The following DLG2 variants were observed in gnomAD, a reference collection of about 807,000 sequenced individuals.
DLG2 encodes the protein discs large MAGUK scaffold protein 2, also known as disks large homolog 2.
In DLG2, 45 loss-of-function variants were observed where a neutral mutation model predicts 132.5. The observed-to-expected ratio is 0.34, with a 90% CI of 0.27 to 0.44. DLG2 has a LOEUF of 0.44. Among genes scored for constraint, DLG2 ranks in the 20% least tolerant of loss-of-function variants. The probability of loss-of-function intolerance (pLI) is 1.00; values close to 1 mark genes in which losing one functional copy is unlikely to be tolerated. For synonymous variants in DLG2, 424 were observed against 419.6 expected, an observed-to-expected ratio of 1.01 and a Z score of -0.13; for missense variants, 1,045 against 1,196.9, an observed-to-expected ratio of 0.87 and a Z score of 1.87.
At chr11:85,316,308 G>C (rs78107180) in intron 3 of DLG2, among the ~76,000 whole-genome samples, 2 of 151,900 alleles carry the variant, frequency 1.3e-5, no homozygotes, top group African/African-American at 4.8e-5. Flanking sequence ...TCATAAACTA[G>C]AAAGACATAT....
rs1024117776 is a variant in DLG2 at position 83,969,922 on chromosome 11, AGT to A, written c.1057-4456_1057-4455del. Among the ~76,000 whole-genome samples, 3 of 145,642 alleles carry A rather than the reference AGT, an allele frequency of 2.1e-5. No homozygotes were observed. The Admixed American group carries it at 2.1e-4, about 10-fold the overall frequency. On this transcript the variant is annotated intron_variant, in intron 12 of 27. Transcript: ENST00000376104. Reference sequence around the variant, plus strand: ...TTCTATGGTTTAAAATGTATATGAAAGTGGGTGTTTCCTCTAAAAAAAAAAAA... The same window carrying A: ...TTCTATGGTTTAAAATGTATATGAAAGGGTGTTTCCTCTAAAAAAAAAAAA...
chr11:84,084,639 G>A (rs1467923873), intron 10 of DLG2, among the ~76,000 whole-genome samples: 1 of 152,148 alleles, frequency 6.6e-6, no homozygotes, highest in African/African-American at 2.4e-5. Flanking sequence ...CTTCTCAACT[G>A]GGCTTTGACC....
chr11:85,496,024 C>A (rs1219683929), intron 3 of DLG2, among the ~76,000 whole-genome samples: 1 of 152,138 alleles, frequency 6.6e-6, no homozygotes, highest in South Asian at 2.1e-4. Flanking sequence ...AGCTGAGGTA[C>A]CTGATTCATC....
intron 3 of DLG2, among the ~76,000 whole-genome samples, chr11:85,530,477 C>G (rs1018888971): frequency 1.3e-5 from 2 of 152,014 alleles, no homozygotes; most frequent in South Asian, 4.2e-4. Flanking sequence ...CATGCCACCA[C>G]GCCCAGCTAA....
chr11:83,462,051 G>A lies in DLG2; in HGVS notation c.2772C>T (p.Thr924=), dbSNP rs2090130233. 6.2e-7 allele frequency: 1 copy of A among 1,613,410 alleles called. No homozygotes were observed. Among genetic ancestry groups the A allele is most frequent in the Admixed American group, 1.7e-5 (1 of 59,990 alleles). ...KRLTEEQAKK[T]YDRAIKLEQE... is the part of the protein sequence containing the mutation. ...GTTCTAGCTTAATTGCTCGATCATA[G>A]GTTTTCTTGGCTTGTTCCTCTGTTA... The change falls in exon 27 of 28, where the codon ACC becomes ACT. Residue 924 remains threonine (T), a synonymous_variant. Coordinates refer to ENST00000376104, the MANE Select transcript of DLG2 (RefSeq NM_001142699.3).
At position 85,070,380 on chromosome 11, in the gene DLG2, A is replaced by G. The variant is rs745413575; in HGVS notation, c.357+41281T>C. On this transcript the variant is annotated intron_variant, in intron 6 of 27. Transcript: ENST00000376104. ...TATATTGACTGCAGCACTATTCACA[A>G]TACCACAGATATGGAATCAACCTAA... Among the ~76,000 whole-genome samples, 133 of 151,846 alleles carry G rather than the reference A, an allele frequency of 8.8e-4. 1 individual carries two copies. The Middle Eastern group carries it at 0.024, about 27-fold the overall frequency.
intron 21 of DLG2, among the ~76,000 whole-genome samples, chr11:83,520,917 G>A (rs1402518565): frequency 2.0e-5 from 3 of 152,160 alleles, no homozygotes; most frequent in Non-Finnish European, 2.9e-5. Context: ...TGGCATAGCT[G>A]GGATGGCAGT....
chr11:85,434,545 C>T (rs1194304846), intron 3 of DLG2, among the ~76,000 whole-genome samples: 1 of 152,126 alleles, frequency 6.6e-6, no homozygotes, highest in Non-Finnish European at 1.5e-5. Context: ...ACTATAAACA[C>T]CTCTATGCAA....
chr11:83,457,021 C>G lies in DLG2; in HGVS notation c.*2797G>C, dbSNP rs2089128798. On this transcript the variant is annotated 3_prime_UTR_variant, in exon 28 of 28. Transcript: ENST00000376104. Reference sequence around the variant, plus strand: ...AAATGGAATTTTGATTTTGGTAAAGCTGAGACCCCCGTGGTGCTACACATT... The same window carrying G: ...AAATGGAATTTTGATTTTGGTAAAGGTGAGACCCCCGTGGTGCTACACATT... The G allele has an allele frequency of 6.6e-6, 1 of 152,644 alleles. No individual in the cohort carries two copies. Among genetic ancestry groups the G allele is most frequent in the South Asian group, 2.1e-4 (1 of 4,828 alleles). The allele number at this position is 152,644 out of a possible 1,614,324, so 9.5% of individuals were successfully genotyped here.
chr11:85,169,519 G>A (rs1291467011), intron 4 of DLG2, among the ~76,000 whole-genome samples: 2 of 152,140 alleles, frequency 1.3e-5, no homozygotes, highest in Non-Finnish European at 2.9e-5. Flanking sequence ...AGGACAAGGA[G>A]ATGAGGGAAT....
At chr11:84,592,168 A>G (rs2099544900) in intron 6 of DLG2, among the ~76,000 whole-genome samples, 1 of 152,148 alleles carries the variant, frequency 6.6e-6, no homozygotes, top group Non-Finnish European at 1.5e-5. Flanking sequence ...GTCGGCAGGA[A>G]TTTTAGAGCT....
intron 3 of DLG2, among the ~76,000 whole-genome samples, chr11:85,436,885 G>C (rs750621491): frequency 2.6e-5 from 4 of 152,126 alleles, no homozygotes; most frequent in Non-Finnish European, 5.9e-5. Flanking sequence ...CAATAGCAAA[G>C]ACATGGAACC....
rs2099213214 is a variant in DLG2 at position 84,502,228 on chromosome 11, T to TC, written c.519+32341_519+32342insG. The stretch of plus-strand genomic sequence containing the variant: ...CTTCCTTCCTTCCTTCCTTCCTTCC[T>TC]TCCTTCCTTCCTTCCTTCCTTCCTT... On this transcript the variant is annotated intron_variant, in intron 7 of 27. Transcript: ENST00000376104. Among the ~76,000 whole-genome samples, 13 of 17,780 alleles carry TC rather than the reference T, an allele frequency of 7.3e-4. 1 individual carries two copies. Among genetic ancestry groups the TC allele is most frequent in the South Asian group, 6.6e-3 (2 of 304 alleles). The allele number at this position is 17,780 out of a possible 152,430, so 11.7% of individuals were successfully genotyped here. A position where few individuals can be genotyped will look rare whatever the true frequency, so the allele number is the denominator to read the frequency against.
At chr11:85,072,789 T>G (rs1353616066) in intron 6 of DLG2, among the ~76,000 whole-genome samples, 1 of 151,856 alleles carries the variant, frequency 6.6e-6, no homozygotes, top group Non-Finnish European at 1.5e-5. Context: ...ACAGTTGTCT[T>G]TAGCAACATA....
rs34379979 is a variant in DLG2 at position 85,533,458 on chromosome 11, C to CATATAT, written c.40+65193_40+65198dup. On this transcript the variant is annotated intron_variant, in intron 3 of 27. Coordinates refer to ENST00000376104, the MANE Select transcript of DLG2 (RefSeq NM_001142699.3). Reference sequence around the variant, plus strand: ...GAAATACATATATATACATAAAATACATATATATATATATATATAATTCTT... The same window carrying CATATAT: ...GAAATACATATATATACATAAAATACATATATATATATATATATATATATAATTCTT... Among the ~76,000 whole-genome samples, 798 of 142,142 alleles carry CATATAT rather than the reference C, an allele frequency of 5.6e-3. 5 individuals carry two copies. The highest frequency in any genetic ancestry group is 0.019 in the African/African-American group (763 of 39,376). The allele number at this position is 142,142 out of a possible 152,430, so 93.3% of individuals were successfully genotyped here. A position where few individuals can be genotyped will look rare whatever the true frequency, so the allele number is the denominator to read the frequency against.
intron 11 of DLG2, among the ~76,000 whole-genome samples, chr11:83,994,809 G>T (rs2093935654): frequency 6.6e-6 from 1 of 152,110 alleles, no homozygotes; most frequent in South Asian, 2.1e-4. Context: ...GCATTAGCAG[G>T]GTTGAGTCCT....
Position 85,295,300 on chromosome 11 carries a change from C to T in DLG2, c.41-9935G>A, listed in dbSNP as rs528864563. Among the ~76,000 whole-genome samples the T allele has an allele frequency of 2.4e-4, 36 of 152,128 alleles. 1 individual carries two copies. In the South Asian group the frequency reaches 5.8e-3, roughly 25 times the overall value. On this transcript the variant is annotated intron_variant, in intron 3 of 27. Coordinates refer to ENST00000376104, the MANE Select transcript of DLG2 (RefSeq NM_001142699.3). ...TTACATATTCTTTCATGCCTACCTC[C>T]CCACTAAAAAATTCCCAATATCTTC...
chr11:84,553,659 G>T (rs1343561787), intron 6 of DLG2, among the ~76,000 whole-genome samples: 2 of 152,122 alleles, frequency 1.3e-5, no homozygotes, highest in Non-Finnish European at 2.9e-5. Context: ...AACCATAAAG[G>T]TTAACTTCCT....
intron 26 of DLG2, among the ~76,000 whole-genome samples, chr11:83,466,402 C>T (rs576621146): frequency 6.6e-6 from 1 of 152,108 alleles, no homozygotes; most frequent in African/African-American, 2.4e-5. Context: ...AACAACAAAA[C>T]CTCAAAAACT....
Sources: gnomAD v4.1 joint callset for allele counts (sites outside exome capture counted in the v4.1 genomes callset) on GRCh38, gnomAD v4.1.1 for gene constraint, MANE v1.5 for transcripts, NCBI Gene and HGNC (gene_info 2026-07-23, HGNC 2026-07-21) for gene names.